Variants in MACROH2A1 observed in about 807,000 individuals in gnomAD.
The protein encoded by MACROH2A1 is core histone macro-H2A.1.
Under a neutral mutation model 31.6 loss-of-function variants are expected in MACROH2A1, and 2 were observed. The observed-to-expected ratio is 0.06, with a 90% confidence interval of 0.03 to 0.20. The LOEUF (loss-of-function observed/expected upper bound fraction) is 0.20, where lower values mean the gene tolerates loss of function less well. MACROH2A1 is among the 10% of genes least tolerant of loss of function. The probability of loss-of-function intolerance (pLI) is 1.00; values close to 1 mark genes in which losing one functional copy is unlikely to be tolerated. For missense variants in MACROH2A1, 230 were observed against 474.0 expected (o/e 0.49, Z 4.78); for synonymous variants, 169 against 189.6 (o/e 0.89, Z 0.89).
In MACROH2A1 at chr5:135,346,056, T is replaced by C; in HGVS notation, c.690A>G (p.Gly230=). 6.2e-7 allele frequency: 1 copy of C among 1,611,458 alleles called. No individual in the cohort carries two copies. The highest frequency in any genetic ancestry group is 8.5e-7 in the Non-Finnish European group (1 of 1,177,524). The change falls in exon 7 of 9, where the codon GGA becomes GGG. Residue 230 remains glycine (G), a splice_region_variant and synonymous_variant. Transcript: ENST00000511689. ...TGCCACCTTTCTTCTCCAGCGTGTTTCCTAGACAAGGACAGGGTGGGGTCA... is the reference window on the plus strand; with the variant it reads ...TGCCACCTTTCTTCTCCAGCGTGTTCCCTAGACAAGGACAGGGTGGGGTCA... ...NADIDLKDDL[G]NTLEKKGGKE...
At chr5:135,360,386 C>A in intron 5 of MACROH2A1, 111 bp downstream of exon 5, 1 of 728,500 alleles carries the variant, frequency 1.4e-6, no homozygotes, top group Non-Finnish European at 2.4e-6. Flanking sequence ...CTCTGTCTAC[C>A]CACGAGGCTG....
At chr5:135,361,360 C>G (rs1366861183) in intron 4 of MACROH2A1, 1 of 152,434 alleles carries the variant, frequency 6.6e-6, no homozygotes, top group Non-Finnish European at 1.5e-5. Context: ...AGGTGCCACG[C>G]CAGAGCTCCT....
chr5:135,357,846 A>G (rs1762362825), intron 5 of MACROH2A1: 1 of 985,280 alleles, frequency 1.0e-6, no homozygotes, highest in Non-Finnish European at 1.2e-6. Flanking sequence ...CATCATTAAC[A>G]TCAATGGTCA....
At chr5:135,362,845 A>G (rs559868332) in intron 4 of MACROH2A1, 1 of 152,336 alleles carries the variant, frequency 6.6e-6, no homozygotes, top group South Asian at 2.1e-4. Context: ...TTGCAGAACT[A>G]AAAAATAGAA....
chr5:135,384,738 A>T (rs1334051027), intron 2 of MACROH2A1, among the ~76,000 whole-genome samples: 1 of 152,246 alleles, frequency 6.6e-6, no homozygotes, highest in Non-Finnish European at 1.5e-5. Context: ...ATGTCCAGGC[A>T]TGGAATAAGG....
At chr5:135,342,341 G>GTTAA (rs1198696020) in intron 8 of MACROH2A1, among the ~76,000 whole-genome samples, 1 of 152,176 alleles carries the variant, frequency 6.6e-6, no homozygotes, top group Non-Finnish European at 1.5e-5. Flanking sequence ...CAGAATGGGG[G>GTTAA]TTAATTTACA....
rs767999957 is a variant in MACROH2A1 at position 135,335,137 on chromosome 5, C to T, written c.958G>A (p.Gly320Ser). Residue 320 changes from glycine (G) to serine (S), a missense_variant, in exon 9 of 9, where the codon GGT becomes AGT. Around this residue, in one of 2 missense-constraint regions of MACROH2A1, gnomAD observed 183 missense variants for 319.3 expected, o/e 0.57. Coordinates refer to ENST00000511689, the MANE Select transcript of MACROH2A1 (RefSeq NM_138610.3). ...AFPSIGSGRNGFPKQTAAQLI... is the reference protein window; with the variant it reads ...AFPSIGSGRNSFPKQTAAQLI... ...TGAGCTGCTGTCTGCTTTGGAAAACCGTTCCTGGAGAAGAGAAGATAAGCA... is the reference window on the plus strand; with the variant it reads ...TGAGCTGCTGTCTGCTTTGGAAAACTGTTCCTGGAGAAGAGAAGATAAGCA... 7 of 1,613,582 alleles carry T rather than the reference C, an allele frequency of 4.3e-6. No individual in the cohort carries two copies. Among genetic ancestry groups the T allele is most frequent in the Admixed American group, 1.7e-5 (1 of 59,994 alleles).
chr5:135,369,006 G>A lies in MACROH2A1; in HGVS notation c.477+400C>T, dbSNP rs1763857218. ...GCAGCCATGGCAACATGAGAGTTCT[G>A]CAACTGAGCATCAGGGCATGCAGGT... On this transcript the variant is annotated intron_variant, in intron 4 of 8. Transcript: ENST00000511689. The surrounding 1 kb of genome is among the most constrained non-coding windows in gnomAD (Gnocchi z 4.3). 6.6e-6 allele frequency among the ~76,000 whole-genome samples: 1 copy of A among 152,240 alleles called. No homozygotes were observed. Among genetic ancestry groups the A allele is most frequent in the Admixed American group, 6.5e-5 (1 of 15,290 alleles).
At chr5:135,347,249 GAA>G (rs1760957916) in intron 6 of MACROH2A1, 1 of 152,216 alleles carries the variant, frequency 6.6e-6, no homozygotes, top group African/African-American at 2.4e-5. Context: ...CTGCAGGGGT[GAA>G]CTAACCCCGG....
At chr5:135,349,632 A>T (rs569122879) in intron 6 of MACROH2A1, among the ~76,000 whole-genome samples, 1 of 152,214 alleles carries the variant, frequency 6.6e-6, no homozygotes, top group African/African-American at 2.4e-5. Flanking sequence ...AGCATCCAGG[A>T]CGCTTGTGAA....
At chr5:135,367,965 T>A (rs1174265488) in intron 4 of MACROH2A1, among the ~76,000 whole-genome samples, 1 of 152,200 alleles carries the variant, frequency 6.6e-6, no homozygotes, top group Non-Finnish European at 1.5e-5. Flanking sequence ...CAGTGGCGCA[T>A]TCTGTGAAAT....
At chr5:135,348,676 A>G (rs1033411869) in intron 6 of MACROH2A1, among the ~76,000 whole-genome samples, 4 of 152,220 alleles carry the variant, frequency 2.6e-5, no homozygotes, top group East Asian at 1.9e-4. Context: ...ATTGTAAAAG[A>G]TATCTGGGGT....
At chr5:135,387,997 T>C (rs1766653051) in intron 2 of MACROH2A1, among the ~76,000 whole-genome samples, 1 of 141,638 alleles carries the variant, frequency 7.1e-6, no homozygotes, top group Non-Finnish European at 1.5e-5. Flanking sequence ...AGTAATGAAA[T>C]GAATATAACT....
chr5:135,388,582 A>G (rs1766751654), intron 2 of MACROH2A1, among the ~76,000 whole-genome samples: 1 of 152,222 alleles, frequency 6.6e-6, no homozygotes, highest in Admixed American at 6.5e-5. Context: ...TGATCCTGAA[A>G]TGGATCCTGG....
chr5:135,364,704 C>T (rs1411388215), intron 4 of MACROH2A1, among the ~76,000 whole-genome samples: 3 of 152,186 alleles, frequency 2.0e-5, no homozygotes, highest in Non-Finnish European at 2.9e-5. Flanking sequence ...AAAATCATCA[C>T]CCCATGTTTA....
At chr5:135,350,954 G>A (rs1054027521) in intron 6 of MACROH2A1, 9 of 1,348,632 alleles carry the variant, frequency 6.7e-6, no homozygotes, top group South Asian at 4.8e-5. Flanking sequence ...GTGTTGGACC[G>A]AGACCCACGC....
intron 5 of MACROH2A1, 140 bp from the exon 6 acceptor site, chr5:135,353,185 T>A: frequency 3.1e-6 from 2 of 638,786 alleles, no homozygotes; most frequent in Non-Finnish European, 5.7e-6. Flanking sequence ...CTGGCTCAAA[T>A]GAACCCATTT....
intron 2 of MACROH2A1, among the ~76,000 whole-genome samples, chr5:135,388,244 G>C (rs938298277): frequency 5.3e-5 from 8 of 151,844 alleles, no homozygotes; most frequent in African/African-American, 1.9e-4. Context: ...AAGCCACTGG[G>C]TGAAATACCG....
At chr5:135,357,299 T>A (rs1394758661) in intron 5 of MACROH2A1, 1 of 152,262 alleles carries the variant, frequency 6.6e-6, no homozygotes, top group Non-Finnish European at 1.5e-5. Context: ...CTAAACTGTC[T>A]CAGAAGCCAG....
Sources: allele counts gnomAD v4.1 joint callset (sites outside exome capture counted in the v4.1 genomes callset), GRCh38; gene constraint gnomAD v4.1.1; regional missense constraint gnomAD v4.1.1; non-coding constraint Gnocchi (gnomAD v3.1); transcripts MANE v1.5; gene names NCBI Gene and HGNC (gene_info 2026-07-23, HGNC 2026-07-21).